The following PARP12 variants were observed in gnomAD, a reference collection of about 807,000 sequenced individuals.
PARP12 encodes the protein poly(ADP-ribose) polymerase family member 12, also known as protein mono-ADP-ribosyltransferase PARP12.
Under a neutral mutation model 72.4 loss-of-function variants are expected in PARP12, and 59 were observed. The ratio of observed to expected loss-of-function variants is 0.81; its 90% CI spans 0.66 to 1.01. The LOEUF (loss-of-function observed/expected upper bound fraction) is 1.01. PARP12 is among the 50% of genes least tolerant of loss of function. The pLI is 0.00. For missense variants in PARP12, 851 were observed against 914.0 expected (o/e 0.93, Z 0.89); for synonymous variants, 403 against 371.4 (o/e 1.09, Z -0.98).
chr7:140,046,796 C>T (rs1816745952), intron 5 of PARP12, 88 bp downstream of exon 5: 2 of 941,186 alleles, frequency 2.1e-6, no homozygotes, highest in Non-Finnish European at 2.8e-6. Flanking sequence ...CTAGGCTGCT[C>T]ACAGTGTGTG....
Position 140,062,781 on chromosome 7 carries a change from A to G in PARP12, c.67T>C (p.Leu23=). ...VLCAAGGALE[L]PELRRRLRMG... ...CGCAAGCGGCGCCGCAGCTCGGGCAACTCCAGGGCGCCCCCGGCCGCGCAC... is the reference window on the plus strand; with the variant it reads ...CGCAAGCGGCGCCGCAGCTCGGGCAGCTCCAGGGCGCCCCCGGCCGCGCAC... The change falls in exon 1 of 12, where the codon TTG becomes CTG. Residue 23 remains leucine (L), a synonymous_variant. Coordinates refer to ENST00000263549, the MANE Select transcript of PARP12 (RefSeq NM_022750.4). 1 of 1,404,186 alleles carries G rather than the reference A, an allele frequency of 7.1e-7. No homozygotes were observed. Among genetic ancestry groups the G allele is most frequent in the South Asian group, 1.4e-5 (1 of 70,690 alleles). The allele number at this position is 1,404,186 out of a possible 1,614,324, so 87.0% of individuals were successfully genotyped here.
intron 4 of PARP12, among the ~76,000 whole-genome samples, chr7:140,048,288 T>C (rs996417592): frequency 2.0e-5 from 3 of 152,116 alleles, no homozygotes; most frequent in Admixed American, 1.3e-4. Context: ...CAACCCCATG[T>C]TCCTCCTGGG....
chr7:140,054,857 G>T (rs549595666), intron 3 of PARP12, 94 bp from the exon 4 acceptor site: 6 of 1,053,204 alleles, frequency 5.7e-6, no homozygotes, highest in Non-Finnish European at 8.6e-6. Context: ...ACAAAAGTGG[G>T]CAACGCAAGC....
At chr7:140,024,981 G>A (rs1815677223) in intron 11 of PARP12, 96 bp from the exon 12 acceptor site, 4 of 1,138,102 alleles carry the variant, frequency 3.5e-6, no homozygotes, top group East Asian at 2.5e-5. Context: ...GCAACGCCAG[G>A]GCCTCTACTC....
chr7:140,034,988 G>A (rs764594281), intron 7 of PARP12, among the ~76,000 whole-genome samples: 8 of 152,030 alleles, frequency 5.3e-5, no homozygotes, highest in Non-Finnish European at 8.8e-5. Flanking sequence ...TTGCTCAAGT[G>A]GACCTTGAAC....
chr7:140,026,709 T>C (rs1815754141), intron 10 of PARP12, among the ~76,000 whole-genome samples: 1 of 152,144 alleles, frequency 6.6e-6, no homozygotes, highest in African/African-American at 2.4e-5. Flanking sequence ...TTCAGGCTGC[T>C]GGTCAGTGGG....
intron 2 of PARP12, 143 bp downstream of exon 2, chr7:140,057,756 G>A: frequency 1.7e-6 from 2 of 1,206,580 alleles, no homozygotes; most frequent in Non-Finnish European, 2.3e-6. Context: ...TGCTCCTTCT[G>A]CTCCACATTC....
intron 5 of PARP12, among the ~76,000 whole-genome samples, chr7:140,042,886 T>A (rs1330561750): frequency 6.6e-6 from 1 of 152,152 alleles, no homozygotes; most frequent in Non-Finnish European, 1.5e-5. Flanking sequence ...GAAATTCACC[T>A]TCAACTCAGG....
chr7:140,037,637 C>A, intron 7 of PARP12, 78 bp downstream of exon 7: 1 of 1,572,338 alleles, frequency 6.4e-7, no homozygotes, highest in Non-Finnish European at 8.7e-7. Context: ...TATGTGCACA[C>A]GGCTCCTCCA....
In PARP12 at chr7:140,062,943, G is replaced by A. The variant is rs541172867; in HGVS notation, c.-96C>T. On this transcript the variant is annotated 5_prime_UTR_variant, in exon 1 of 12. Transcript: ENST00000263549. ...CGGCTCTCGCAGGGTGGAGACGCCG[G>A]CGGGAAACGAAACCGAAAGCGGCCC... The A allele has an allele frequency of 9.5e-7, 1 of 1,053,466 alleles. No individual in the cohort carries two copies. The highest frequency in any genetic ancestry group is 1.2e-6 in the Non-Finnish European group (1 of 838,104). 65.3% of individuals were successfully genotyped at this position (1,053,466 alleles called of 1,614,324 possible).
At position 140,024,377 on chromosome 7, in the gene PARP12, G is replaced by A. The variant is rs767190659; in HGVS notation, c.*183C>T. 6 of 741,354 alleles carry A rather than the reference G, an allele frequency of 8.1e-6. No individual in the cohort carries two copies. In the African/African-American group the frequency reaches 1.1e-4, roughly 13 times the overall value. The allele number at this position is 741,354 out of a possible 1,614,324, so 45.9% of individuals were successfully genotyped here. ...ACAATCACTTCTGGTTAATCCACTA[G>A]TGAACCCAAAAGTGACTTAAAAGTA... On this transcript the variant is annotated 3_prime_UTR_variant, in exon 12 of 12. Transcript: ENST00000263549.
chr7:140,033,400 A>C, intron 8 of PARP12: 1 of 985,426 alleles, frequency 1.0e-6, no homozygotes, highest in Non-Finnish European at 1.2e-6. Context: ...AATAGACACA[A>C]GCCAGACCTC....
At chr7:140,059,462 G>C (rs996002245) in intron 1 of PARP12, among the ~76,000 whole-genome samples, 4 of 150,914 alleles carry the variant, frequency 2.7e-5, no homozygotes, top group African/African-American at 7.4e-5. Context: ...ATAAGCACCA[G>C]GGTGAGCCAG....
chr7:140,042,100 C>T (rs1816501267), intron 5 of PARP12, among the ~76,000 whole-genome samples: 1 of 152,094 alleles, frequency 6.6e-6, no homozygotes. Context: ...TGAAATCATT[C>T]TTTTTTAAAA....
chr7:140,028,664 C>T lies in PARP12; in HGVS notation c.1446G>A (p.Lys482=). Residue 482 remains lysine (K), a synonymous_variant, in exon 9 of 12, where the codon AAG becomes AAA. Coordinates refer to ENST00000263549, the MANE Select transcript of PARP12 (RefSeq NM_022750.4). ...AGGAGTCCCAATAGTCTGGGATGCT[C>T]TTCGGGCCTGGAAACTTGGTATTGC... ...QTCNTKFPGP[K]SIPDYWDSSA... is the part of the protein sequence containing the mutation. The T allele has an allele frequency of 6.2e-7, 1 of 1,605,034 alleles. No homozygotes were observed. Among genetic ancestry groups the T allele is most frequent in the Non-Finnish European group, 8.5e-7 (1 of 1,175,516 alleles).
At chr7:140,029,953 G>A (rs528665501) in intron 8 of PARP12, among the ~76,000 whole-genome samples, 89 of 152,346 alleles carry the variant, frequency 5.8e-4, no homozygotes, top group South Asian at 1.0e-3. Flanking sequence ...GAAGCTCTAG[G>A]AGAGGAGAGA....
At chr7:140,056,549 T>C (rs1006615541) in intron 3 of PARP12, among the ~76,000 whole-genome samples, 10 of 152,148 alleles carry the variant, frequency 6.6e-5, no homozygotes, top group African/African-American at 2.2e-4. Flanking sequence ...TAGGGGTGAC[T>C]GCACAGGGGG....
At chr7:140,041,528 C>G (rs1362033083) in intron 6 of PARP12, 116 bp downstream of exon 6, 2 of 1,049,270 alleles carry the variant, frequency 1.9e-6, no homozygotes, top group East Asian at 2.5e-5. Flanking sequence ...ACACTGGCAC[C>G]TGGGGATCCT....
At position 140,024,611 on chromosome 7, in the gene PARP12, G is replaced by C. The variant is rs777615832; in HGVS notation, c.2055C>G (p.Val685=). ...IQYTTSSKPS[V]TPSILLALGS... Reference sequence around the variant, plus strand: ...CCAAGGCCAGCAGGATGGAGGGTGTGACCGAGGGCTTGGAGGAGGTGGTGT... The same window carrying C: ...CCAAGGCCAGCAGGATGGAGGGTGTCACCGAGGGCTTGGAGGAGGTGGTGT... The change falls in exon 12 of 12, where the codon GTC becomes GTG. Residue 685 remains valine, a synonymous_variant. Transcript: ENST00000263549. 1.9e-5 allele frequency: 30 copies of C among 1,614,088 alleles called. No homozygotes were observed. In the Admixed American group the frequency reaches 4.8e-4, roughly 26 times the overall value.
Sources: gnomAD v4.1 joint callset for allele counts (sites outside exome capture counted in the v4.1 genomes callset) on GRCh38, gnomAD v4.1.1 for gene constraint, MANE v1.5 for transcripts, NCBI Gene and HGNC (gene_info 2026-07-23, HGNC 2026-07-21) for gene names.